Variants in CCDC85A observed in about 807,000 individuals in gnomAD.
The protein encoded by CCDC85A is coiled-coil domain-containing protein 85A.
In CCDC85A, 38 loss-of-function variants were observed where a neutral mutation model predicts 50.2. That is an observed-to-expected ratio of 0.76 (90% CI 0.58 to 0.99). The LOEUF (loss-of-function observed/expected upper bound fraction) is 0.99. Among genes scored for constraint, CCDC85A ranks in the 50% least tolerant of loss-of-function variants. CCDC85A has a pLI of 0.00. For synonymous variants in CCDC85A, 366 were observed against 301.4 expected, an observed-to-expected ratio of 1.21 and a Z score of -2.22; for missense variants, 820 against 742.0, an observed-to-expected ratio of 1.11 and a Z score of -1.22.
At position 56,323,110 on chromosome 2, in the gene CCDC85A, C is replaced by G. The variant is rs551370511; in HGVS notation, c.1241-19769C>G. On this transcript the variant is annotated intron_variant, in intron 2 of 5. Transcript: ENST00000407595. ...ATCGAACAATGAGAACACATGGACA[C>G]AGGGTGGGGAACATCACACACCAGG... is the stretch of plus-strand genomic sequence containing the variant. 9.9e-5 allele frequency among the ~76,000 whole-genome samples: 15 copies of G among 152,156 alleles called. 1 individual carries two copies. Among genetic ancestry groups the G allele is most frequent in the Non-Finnish European group, 1.8e-4 (12 of 68,004 alleles).
intron 2 of CCDC85A, among the ~76,000 whole-genome samples, chr2:56,303,865 G>A (rs993313753): frequency 4.9e-4 from 75 of 152,242 alleles, no homozygotes; most frequent in African/African-American, 1.8e-3. Context: ...TGATGTGAGT[G>A]TCTCCTAATG....
intron 2 of CCDC85A, among the ~76,000 whole-genome samples, chr2:56,234,711 G>A (rs1013561195): frequency 6.6e-5 from 10 of 151,392 alleles, no homozygotes; most frequent in African/African-American, 2.2e-4. Flanking sequence ...TTAGATCTTC[G>A]CTAAAGATAT....
At chr2:56,354,605 C>T (rs1337640914) in intron 3 of CCDC85A, among the ~76,000 whole-genome samples, 1 of 152,158 alleles carries the variant, frequency 6.6e-6, no homozygotes, top group Non-Finnish European at 1.5e-5. Flanking sequence ...GTAGCTTTTA[C>T]TGTTTAGAAG....
intron 3 of CCDC85A, among the ~76,000 whole-genome samples, chr2:56,364,927 C>G (rs1452200868): frequency 6.6e-6 from 1 of 152,174 alleles, no homozygotes; most frequent in Non-Finnish European, 1.5e-5. Flanking sequence ...CCAAATCATT[C>G]TCCACACTAT....
At chr2:56,365,980 G>T (rs976589620) in intron 3 of CCDC85A, among the ~76,000 whole-genome samples, 2 of 151,704 alleles carry the variant, frequency 1.3e-5, no homozygotes, top group African/African-American at 4.8e-5. Context: ...TTTTTTTTAA[G>T]ATTTCATATA....
At chr2:56,316,727 G>A (rs544422496) in intron 2 of CCDC85A, among the ~76,000 whole-genome samples, 92 of 152,132 alleles carry the variant, frequency 6.0e-4, no homozygotes, top group African/African-American at 2.2e-3. Flanking sequence ...TTTTATTTTT[G>A]TACAGACACA....
intron 2 of CCDC85A, among the ~76,000 whole-genome samples, chr2:56,311,918 T>G (rs754329868): frequency 1.3e-5 from 2 of 152,046 alleles, no homozygotes; most frequent in Admixed American, 6.6e-5. Flanking sequence ...CAGCATCACA[T>G]TTTAACAAGA....
At chr2:56,183,935 T>C, upstream of CCDC85A, 2 of 985,332 alleles carry the variant, frequency 2.0e-6, no homozygotes, top group South Asian at 4.7e-5. Context: ...TGCTGCGGGT[T>C]ACGGGTGGCC....
chr2:56,287,383 G>A (rs982189674), intron 2 of CCDC85A, among the ~76,000 whole-genome samples: 49 of 152,166 alleles, frequency 3.2e-4, no homozygotes, highest in Non-Finnish European at 1.5e-4. Flanking sequence ...CCACAGTCTG[G>A]AAAGTGTCCT....
intron 2 of CCDC85A, among the ~76,000 whole-genome samples, chr2:56,193,956 C>T (rs60169477): frequency 0.046 from 7,012 of 152,284 alleles, 464 homozygotes; most frequent in African/African-American, 0.15. Context: ...TGATGCTGGT[C>T]TGCCCAAATG....
chr2:56,346,449 A>G (rs925990118), intron 3 of CCDC85A, among the ~76,000 whole-genome samples: 3 of 152,196 alleles, frequency 2.0e-5, no homozygotes, highest in Admixed American at 1.3e-4. Flanking sequence ...AGTTAGTTTT[A>G]TCCAGTGGTG....
intron 2 of CCDC85A, among the ~76,000 whole-genome samples, chr2:56,219,150 C>A (rs1418519981): frequency 6.7e-6 from 1 of 149,350 alleles, no homozygotes; most frequent in Non-Finnish European, 1.5e-5. Flanking sequence ...CACACACTTC[C>A]TTTTCCTGGG....
intron 2 of CCDC85A, among the ~76,000 whole-genome samples, chr2:56,336,704 A>G (rs981995615): frequency 3.9e-5 from 6 of 152,218 alleles, no homozygotes; most frequent in Admixed American, 2.0e-4. Context: ...ACAAAAGGGA[A>G]GTAAAGAGGG....
At chr2:56,292,898 G>A (rs1035092595) in intron 2 of CCDC85A, among the ~76,000 whole-genome samples, 5 of 152,180 alleles carry the variant, frequency 3.3e-5, no homozygotes, top group African/African-American at 1.2e-4. Context: ...ACTTTCCTTA[G>A]ATTTTAAAAT....
At chr2:56,239,689 C>T (rs1243329603) in intron 2 of CCDC85A, among the ~76,000 whole-genome samples, 1 of 151,986 alleles carries the variant, frequency 6.6e-6, no homozygotes, top group Admixed American at 6.6e-5. Flanking sequence ...TTTTTCAGAC[C>T]AAAGTAAAGT....
rs188245263 is a variant in CCDC85A at position 56,332,744 on chromosome 2, A to G, written c.1241-10135A>G. On this transcript the variant is annotated intron_variant, in intron 2 of 5. Coordinates refer to ENST00000407595, the MANE Select transcript of CCDC85A (RefSeq NM_001080433.2). Reference sequence around the variant, plus strand: ...CCTTTTTGAGCCTGGTGAACACTTAAGACTTTTTATTGAAATTACCCACCA... The same window carrying G: ...CCTTTTTGAGCCTGGTGAACACTTAGGACTTTTTATTGAAATTACCCACCA... 4.9e-3 allele frequency among the ~76,000 whole-genome samples: 680 copies of G among 139,268 alleles called. 3 individuals carry two copies. The highest frequency in any genetic ancestry group is 0.017 in the African/African-American group (635 of 37,230). 91.4% of individuals were successfully genotyped at this position (139,268 alleles called of 152,430 possible). A position where few individuals can be genotyped will look rare whatever the true frequency, so the allele number is the denominator to read the frequency against.
rs756165819 is a variant in CCDC85A, at chr2:56,372,481, G to T, written c.1452+3G>T. 40 of 1,586,450 alleles carry T rather than the reference G, an allele frequency of 2.5e-5. No homozygotes were observed. The South Asian group carries it at 4.6e-4, about 18-fold the overall frequency. On this transcript the variant is annotated splice_donor_region_variant and intron_variant, in intron 4 of 5. Transcript: ENST00000407595. Reference sequence around the variant, plus strand: ...GACGATGCCTGCCTACTCTCCCGGTGAGTGAAGATGAGTCAGCTGGATGCA... The same window carrying T: ...GACGATGCCTGCCTACTCTCCCGGTTAGTGAAGATGAGTCAGCTGGATGCA...
At chr2:56,376,442 G>T in intron 5 of CCDC85A, among the ~76,000 whole-genome samples, 1 of 152,054 alleles carries the variant, frequency 6.6e-6, no homozygotes, top group East Asian at 1.9e-4. Flanking sequence ...TCCAGTTAAT[G>T]CCCCGTTATA....
chr2:56,297,650 C>G (rs767955674), intron 2 of CCDC85A, among the ~76,000 whole-genome samples: 1 of 152,096 alleles, frequency 6.6e-6, no homozygotes, highest in Non-Finnish European at 1.5e-5. Flanking sequence ...CAGGGGAAAG[C>G]CTTTTCCTCA....
Sources: allele counts gnomAD v4.1 joint callset (sites outside exome capture counted in the v4.1 genomes callset), GRCh38; gene constraint gnomAD v4.1.1; transcripts MANE v1.5; gene names NCBI Gene and HGNC (gene_info 2026-07-23, HGNC 2026-07-21).